MRPS6: variants seen among roughly 807,000 people sequenced by gnomAD.
The protein encoded by MRPS6 is mitochondrial ribosomal protein S6, also known as small ribosomal subunit protein bS6m.
In MRPS6, 6 loss-of-function variants were observed where a neutral mutation model predicts 13.1. The ratio of observed to expected loss-of-function variants is 0.46; its 90% CI spans 0.25 to 0.91. The LOEUF (loss-of-function observed/expected upper bound fraction) is 0.91, where lower values mean the gene tolerates loss of function less well. Ranked by LOEUF, MRPS6 falls within the 40% of genes least tolerant of loss-of-function variation. The probability of loss-of-function intolerance (pLI) is 0.18; values close to 1 mark genes in which losing one functional copy is unlikely to be tolerated. For missense variants in MRPS6, 164 were observed against 155.6 expected, an observed-to-expected ratio of 1.05 and a Z score of -0.29; for synonymous variants, 61 against 56.5, an observed-to-expected ratio of 1.08 and a Z score of -0.36.
chr21:34,103,590 C>T (rs903562383), intron 1 of MRPS6: 145 of 1,000,046 alleles, frequency 1.4e-4, no homozygotes, highest in Non-Finnish European at 1.7e-4. Context: ...CGTGTTCACA[C>T]ATTAGTGTAC....
chr21:34,082,829 C>T (rs1200694812), intron 1 of MRPS6, among the ~76,000 whole-genome samples: 1 of 152,046 alleles, frequency 6.6e-6, no homozygotes, highest in African/African-American at 2.4e-5. Flanking sequence ...CGTTTTGGCC[C>T]AAGGTGTAAT....
intron 1 of MRPS6, among the ~76,000 whole-genome samples, chr21:34,078,658 T>C (rs1379581150): frequency 3.3e-5 from 5 of 152,192 alleles, no homozygotes; most frequent in African/African-American, 7.2e-5. Context: ...TGAAGTAATA[T>C]TTTTCATCTA....
rs1980318536 is a variant in MRPS6 at position 34,126,715 on chromosome 21, G to A, written c.185+1235G>A. 2.0e-5 allele frequency among the ~76,000 whole-genome samples: 3 copies of A among 152,166 alleles called. No individual in the cohort carries two copies. In the South Asian group the frequency reaches 6.2e-4, roughly 32 times the overall value. On this transcript the variant is annotated intron_variant, in intron 2 of 2. Coordinates refer to ENST00000399312, the MANE Select transcript of MRPS6 (RefSeq NM_032476.4). ...TATAAAAACTGTCCGAGAGTCATTA[G>A]CGCAGTTCTTGGATGGAAGGCAGTG...
At chr21:34,083,398 A>G (rs1308755393) in intron 1 of MRPS6, among the ~76,000 whole-genome samples, 2 of 152,224 alleles carry the variant, frequency 1.3e-5, no homozygotes, top group Non-Finnish European at 1.5e-5. Flanking sequence ...AATATAAAAC[A>G]TCTGTTCAGT....
intron 1 of MRPS6, among the ~76,000 whole-genome samples, chr21:34,083,549 TTAAG>T: frequency 6.6e-6 from 1 of 152,224 alleles, no homozygotes; most frequent in Non-Finnish European, 1.5e-5. Context: ...CTTGACACTG[TTAAG>T]TAAGCAAATG....
At chr21:34,075,720 G>A (rs1429455219) in intron 1 of MRPS6, among the ~76,000 whole-genome samples, 1 of 152,200 alleles carries the variant, frequency 6.6e-6, no homozygotes, top group Admixed American at 6.5e-5. Flanking sequence ...TAGCTTCTCA[G>A]TTATTTGTTC....
chr21:34,111,940 G>A (rs1979716682), intron 1 of MRPS6, among the ~76,000 whole-genome samples: 1 of 151,672 alleles, frequency 6.6e-6, no homozygotes, highest in African/African-American at 2.4e-5. Flanking sequence ...ATTTTTAGAA[G>A]TTTGGATGCA....
At chr21:34,128,958 C>T (rs1453057879) in intron 2 of MRPS6, among the ~76,000 whole-genome samples, 3 of 152,194 alleles carry the variant, frequency 2.0e-5, no homozygotes, top group Non-Finnish European at 2.9e-5. Context: ...CTGGGAGTCA[C>T]TCCCAGCTCT....
At chr21:34,100,691 G>C (rs995208236) in intron 1 of MRPS6, 1 of 1,000,224 alleles carries the variant, frequency 1.0e-6, no homozygotes, top group South Asian at 4.7e-5. Context: ...ATGCACTTCT[G>C]TAACTTGAGG....
chr21:34,139,694 C>G (rs1375198990), intron 2 of MRPS6, among the ~76,000 whole-genome samples: 1 of 152,118 alleles, frequency 6.6e-6, no homozygotes, highest in Non-Finnish European at 1.5e-5. Context: ...CCTCACACTT[C>G]AGCCTCCCCA....
chr21:34,114,193 A>G (rs1011349635), intron 1 of MRPS6, among the ~76,000 whole-genome samples: 4 of 152,218 alleles, frequency 2.6e-5, no homozygotes, highest in Non-Finnish European at 5.9e-5. Flanking sequence ...TGTCCTTAGA[A>G]TAGCAAGTAG....
chr21:34,097,167 T>C (rs368773190), intron 1 of MRPS6: 1 of 1,614,062 alleles, frequency 6.2e-7, no homozygotes, highest in Admixed American at 1.7e-5. Flanking sequence ...GTACTGGAAG[T>C]TCATAGACTG....
chr21:34,133,921 TAGTG>T (rs1330372597), intron 2 of MRPS6, among the ~76,000 whole-genome samples: 2 of 152,122 alleles, frequency 1.3e-5, no homozygotes, highest in South Asian at 2.1e-4. Flanking sequence ...TTTTGATGAA[TAGTG>T]AGTGAAAGAG....
At chr21:34,076,028 ATTC>A (rs1251255412) in intron 1 of MRPS6, among the ~76,000 whole-genome samples, 3 of 152,142 alleles carry the variant, frequency 2.0e-5, no homozygotes, top group Non-Finnish European at 2.9e-5. Flanking sequence ...ACGTTTTTAG[ATTC>A]TTAAGTGTAT....
At chr21:34,107,590 C>T (rs749841344) in intron 1 of MRPS6, among the ~76,000 whole-genome samples, 4 of 152,134 alleles carry the variant, frequency 2.6e-5, no homozygotes, top group Non-Finnish European at 5.9e-5. Context: ...ATGAATCTTG[C>T]CTGAGTTGTT....
At chr21:34,091,569 A>G (rs577722957) in intron 1 of MRPS6, among the ~76,000 whole-genome samples, 54 of 152,142 alleles carry the variant, frequency 3.5e-4, no homozygotes, top group Middle Eastern at 6.8e-3. Flanking sequence ...TTCTCTTTCT[A>G]TTTGGTCAAA....
chr21:34,081,305 A>G (rs1713472711), intron 1 of MRPS6, among the ~76,000 whole-genome samples: 1 of 152,146 alleles, frequency 6.6e-6, no homozygotes, highest in Non-Finnish European at 1.5e-5. Flanking sequence ...CCATTCTCCA[A>G]GTGCTTGTCA....
chr21:34,118,712 G>A (rs1171157522), intron 1 of MRPS6, among the ~76,000 whole-genome samples: 2 of 151,734 alleles, frequency 1.3e-5, no homozygotes, highest in African/African-American at 2.4e-5. Context: ...ATGGGGTTTC[G>A]CCATGTTGGC....
intron 1 of MRPS6, among the ~76,000 whole-genome samples, chr21:34,110,415 G>A (rs1979650675): frequency 6.6e-6 from 1 of 152,142 alleles, no homozygotes; most frequent in Non-Finnish European, 1.5e-5. Flanking sequence ...GGGAGGTCGA[G>A]GCTACAGTGA....
Sources: gnomAD v4.1 joint callset for allele counts (sites outside exome capture counted in the v4.1 genomes callset) on GRCh38, gnomAD v4.1.1 for gene constraint, MANE v1.5 for transcripts, NCBI Gene and HGNC (gene_info 2026-07-23, HGNC 2026-07-21) for gene names.